ADGRL3: variants seen among roughly 807,000 people sequenced by gnomAD.
ADGRL3 encodes the protein calcium-independent alpha-latrotoxin receptor 3.
ADGRL3 carries 62 observed loss-of-function variants against 153.5 expected under a neutral mutation model. That is an observed-to-expected ratio of 0.40 (90% CI 0.33 to 0.50). The LOEUF (loss-of-function observed/expected upper bound fraction) is 0.50. ADGRL3 is among the 20% of genes least tolerant of loss of function. ADGRL3 has a pLI of 0.47. For missense variants in ADGRL3, 1,641 were observed against 1,859.4 expected, an observed-to-expected ratio of 0.88 and a Z score of 2.16; for synonymous variants, 710 against 672.5, an observed-to-expected ratio of 1.06 and a Z score of -0.86.
rs573179100 is a variant in ADGRL3, at chr4:61,868,146, A to G, written c.1481-24510A>G. 3.3e-5 allele frequency among the ~76,000 whole-genome samples: 5 copies of G among 152,292 alleles called. No individual in the cohort carries two copies. The South Asian group carries it at 1.0e-3, about 32-fold the overall frequency. ...TGTGTTTTCTTTTGTTTGACAATAC[A>G]TAAAATATGTCTTTGGTTCTTAAAT... On this transcript the variant is annotated intron_variant, in intron 9 of 26. Coordinates refer to ENST00000683033, the MANE Select transcript of ADGRL3 (RefSeq NM_001387552.1).
chr4:61,769,001 GC>G (rs2097045883), intron 8 of ADGRL3, among the ~76,000 whole-genome samples: 1 of 151,890 alleles, frequency 6.6e-6, no homozygotes, highest in Non-Finnish European at 1.5e-5. Context: ...GGGGGTTCTT[GC>G]CCCCTAGGAA....
At chr4:61,384,163 C>T (rs1578561758) in intron 2 of ADGRL3, among the ~76,000 whole-genome samples, 1 of 151,704 alleles carries the variant, frequency 6.6e-6, no homozygotes, top group Non-Finnish European at 1.5e-5. Context: ...CCTTTCTGTG[C>T]ACTACGTTTT....
chr4:61,771,014 G>C (rs959370911), intron 8 of ADGRL3, among the ~76,000 whole-genome samples: 19 of 152,114 alleles, frequency 1.2e-4, no homozygotes, highest in Non-Finnish European at 5.9e-5. Context: ...TTAAGCAAAA[G>C]GAAAGGTCTC....
At chr4:61,351,102 A>G (rs2096038703) in intron 1 of ADGRL3, among the ~76,000 whole-genome samples, 1 of 152,208 alleles carries the variant, frequency 6.6e-6, no homozygotes, top group Admixed American at 6.5e-5. Context: ...GAACACATGA[A>G]TGATAAGAAA....
rs1181346338 is a variant in ADGRL3, at chr4:61,369,686, G to A, written c.-239-13438G>A. 5.9e-5 allele frequency among the ~76,000 whole-genome samples: 9 copies of A among 152,144 alleles called. No individual in the cohort carries two copies. In the East Asian group the frequency reaches 1.5e-3, roughly 26 times the overall value. ...TGTTCATCAAGGATATTGGTCTAAA[G>A]TTATCCTTTTTGGTTGTGTCTCTGC... On this transcript the variant is annotated intron_variant, in intron 1 of 26. Transcript: ENST00000683033.
chr4:61,430,742 T>A (rs964025832), intron 2 of ADGRL3, among the ~76,000 whole-genome samples: 1 of 152,174 alleles, frequency 6.6e-6, no homozygotes, highest in African/African-American at 2.4e-5. Flanking sequence ...GCCCCTTATA[T>A]AATATGGGGT....
chr4:61,928,922 T>A lies in ADGRL3; in HGVS notation c.2113-5918T>A, dbSNP rs535453748. On this transcript the variant is annotated intron_variant, in intron 13 of 26. Coordinates refer to ENST00000683033, the MANE Select transcript of ADGRL3 (RefSeq NM_001387552.1). ...TGATAAATATTAATGAATACCCAAATGGTATCACGGCACTAAAATTTACTC... is the reference window on the plus strand; with the variant it reads ...TGATAAATATTAATGAATACCCAAAAGGTATCACGGCACTAAAATTTACTC... 1.4e-4 allele frequency among the ~76,000 whole-genome samples: 22 copies of A among 152,268 alleles called. No individual in the cohort carries two copies. In the East Asian group the frequency reaches 2.5e-3, roughly 17 times the overall value.
chr4:61,700,152 T>G (rs1449541345), intron 6 of ADGRL3, among the ~76,000 whole-genome samples: 1 of 152,188 alleles, frequency 6.6e-6, no homozygotes, highest in Non-Finnish European at 1.5e-5. Context: ...AATATTGTAT[T>G]ATTTCCTAAA....
chr4:61,286,472 A>AT (rs973767373), intron 1 of ADGRL3, among the ~76,000 whole-genome samples: 2 of 151,572 alleles, frequency 1.3e-5, no homozygotes, highest in African/African-American at 4.8e-5. Context: ...AAAATTTAAA[A>AT]TTTTTTTCTA....
chr4:61,595,309 G>A (rs1295711064), intron 5 of ADGRL3, among the ~76,000 whole-genome samples: 3 of 152,152 alleles, frequency 2.0e-5, no homozygotes, highest in Non-Finnish European at 4.4e-5. Flanking sequence ...AGAGCCCAAG[G>A]CCCATTGCAT....
At chr4:62,002,685 G>A (rs548392429) in intron 21 of ADGRL3, among the ~76,000 whole-genome samples, 5 of 152,092 alleles carry the variant, frequency 3.3e-5, no homozygotes, top group Non-Finnish European at 5.9e-5. Flanking sequence ...ATTATTTGCT[G>A]CTTGCTTACT....
chr4:61,895,640 C>A, intron 10 of ADGRL3, 91 bp from the exon 11 acceptor site: 2 of 654,694 alleles, frequency 3.1e-6, no homozygotes, highest in Non-Finnish European at 5.2e-6. Flanking sequence ...ATTTAATTAT[C>A]TCATTTTTAC....
At position 61,918,583 on chromosome 4, in the gene ADGRL3, T is replaced by C. The variant is rs145630096; in HGVS notation, c.2112+5826T>C. Among the ~76,000 whole-genome samples, 785 of 152,024 alleles carry C rather than the reference T, an allele frequency of 5.2e-3. 9 individuals carry two copies. Among genetic ancestry groups the C allele is most frequent in the South Asian group, 0.041 (197 of 4,812 alleles). On this transcript the variant is annotated intron_variant, in intron 13 of 26. Transcript: ENST00000683033. ...TGGGGAAATGCAGAGAAGCCAGCAA[T>C]AGAGACTAAAAAACAGGCTTAAGGA...
chr4:61,905,909 A>T (rs537386448), intron 11 of ADGRL3, among the ~76,000 whole-genome samples: 1 of 152,038 alleles, frequency 6.6e-6, no homozygotes, highest in South Asian at 2.1e-4. Flanking sequence ...AAAAAAAGAA[A>T]AAAAAAGTAA....
At chr4:62,067,483 A>G (rs867206142) in intron 25 of ADGRL3, among the ~76,000 whole-genome samples, 20 of 152,188 alleles carry the variant, frequency 1.3e-4, no homozygotes, top group Middle Eastern at 3.4e-3. Flanking sequence ...CATTTTCTGT[A>G]TTCAGAATAA....
chr4:61,821,200 A>G (rs1412572781), intron 9 of ADGRL3, among the ~76,000 whole-genome samples: 2 of 151,652 alleles, frequency 1.3e-5, no homozygotes, highest in Non-Finnish European at 2.9e-5. Context: ...AAAAAAAAAA[A>G]AAAAAAAGAC....
At chr4:61,510,718 C>T (rs1317156890) in intron 3 of ADGRL3, among the ~76,000 whole-genome samples, 4 of 152,080 alleles carry the variant, frequency 2.6e-5, no homozygotes, top group African/African-American at 9.7e-5. Context: ...GTTCTTTTTG[C>T]TGAGGATTGC....
chr4:61,349,574 C>A (rs938976629), intron 1 of ADGRL3, among the ~76,000 whole-genome samples: 1 of 151,944 alleles, frequency 6.6e-6, no homozygotes, highest in African/African-American at 2.4e-5. Flanking sequence ...GTCCAGACTC[C>A]TGGTTGCATT....
At chr4:61,498,628 G>A (rs963726400) in intron 3 of ADGRL3, among the ~76,000 whole-genome samples, 4 of 151,910 alleles carry the variant, frequency 2.6e-5, no homozygotes, top group African/African-American at 4.8e-5. Flanking sequence ...GTGTGATTAT[G>A]GAAACATGCT....
Sources: allele counts gnomAD v4.1 joint callset (sites outside exome capture counted in the v4.1 genomes callset), GRCh38; gene constraint gnomAD v4.1.1; transcripts MANE v1.5; gene names NCBI Gene and HGNC (gene_info 2026-07-23, HGNC 2026-07-21).